PDE4D: variants seen among roughly 807,000 people sequenced by gnomAD.
PDE4D encodes the protein 3',5'-cyclic-AMP phosphodiesterase 4D.
A neutral mutation model predicts 87.4 loss-of-function variants in PDE4D; 24 were observed. That is an observed-to-expected ratio of 0.27 (90% CI 0.20 to 0.39). PDE4D has a LOEUF of 0.39. PDE4D is among the 10% of genes least tolerant of loss of function. PDE4D has a pLI of 1.00. For synonymous variants in PDE4D, 384 were observed against 383.2 expected, an observed-to-expected ratio of 1.00 and a Z score of -0.02; for missense variants, 714 against 1,041.0, an observed-to-expected ratio of 0.69 and a Z score of 4.32.
intron 9 of PDE4D, 38 bp downstream of exon 9, chr5:58,990,766 C>T (rs769360150): frequency 9.0e-7 from 1 of 1,106,174 alleles, no homozygotes; most frequent in Non-Finnish European, 1.3e-6. Context: ...CATTAAGTTC[C>T]TAAATAAAAT....
intron 1 of PDE4D, among the ~76,000 whole-genome samples, chr5:59,650,867 G>A (rs868001136): frequency 6.6e-6 from 1 of 152,250 alleles, no homozygotes; most frequent in Middle Eastern, 3.4e-3. Context: ...AAGAAAAAAT[G>A]TGACTAACCA....
intron 1 of PDE4D, among the ~76,000 whole-genome samples, chr5:59,827,586 G>A (rs1770475665): frequency 6.6e-6 from 1 of 152,110 alleles, no homozygotes; most frequent in South Asian, 2.1e-4. Context: ...CCAGAAGGAG[G>A]ATGCTAATTT....
rs1743501100 is a variant in PDE4D at position 58,975,537 on chromosome 5, C to G, written c.2013+120G>C. On this transcript the variant is annotated intron_variant, in intron 14 of 14. Coordinates refer to ENST00000340635, the MANE Select transcript of PDE4D (RefSeq NM_001104631.2). The surrounding 1 kb of genome is among the most constrained non-coding windows in gnomAD (Gnocchi z 4.2). ...TCATAAATACTAAGGTGAAATTGAG[C>G]TTGTCAAAAACAAAGTAATTTTAAA... is the stretch of plus-strand genomic sequence containing the variant. 4 of 734,698 alleles carry G rather than the reference C, an allele frequency of 5.4e-6. No individual in the cohort carries two copies. Among genetic ancestry groups the G allele is most frequent in the Middle Eastern group, 3.7e-4 (1 of 2,736 alleles). The allele number at this position is 734,698 out of a possible 1,614,324, so 45.5% of individuals were successfully genotyped here.
intron 2 of PDE4D, among the ~76,000 whole-genome samples, chr5:59,990,392 T>C (rs1762884262): frequency 6.6e-6 from 1 of 152,174 alleles, no homozygotes; most frequent in Non-Finnish European, 1.5e-5. Context: ...TTCACATTGA[T>C]TCCCAAATAG....
chr5:59,801,309 T>C (rs1767100658), intron 1 of PDE4D, among the ~76,000 whole-genome samples: 1 of 152,142 alleles, frequency 6.6e-6, no homozygotes, highest in South Asian at 2.1e-4. Flanking sequence ...CAAATTTCAC[T>C]TCATATTTCA....
intron 1 of PDE4D, among the ~76,000 whole-genome samples, chr5:60,209,181 T>C (rs1356816719): frequency 8.1e-6 from 1 of 123,276 alleles, no homozygotes; most frequent in Non-Finnish European, 1.8e-5. Flanking sequence ...TATTTTTTCT[T>C]TTTTTCTTTT....
At chr5:58,981,766 C>T (rs1202124657) in intron 11 of PDE4D, among the ~76,000 whole-genome samples, 2 of 152,066 alleles carry the variant, frequency 1.3e-5, no homozygotes, top group Non-Finnish European at 2.9e-5. Flanking sequence ...AACCTTCATT[C>T]GTGAAGGGTA....
intron 1 of PDE4D, among the ~76,000 whole-genome samples, chr5:59,726,898 C>A (rs962961555): frequency 1.3e-5 from 2 of 151,928 alleles, no homozygotes; most frequent in African/African-American, 4.8e-5. Context: ...TCTAGTTTAA[C>A]TCATTGATCA....
intron 1 of PDE4D, among the ~76,000 whole-genome samples, chr5:59,826,742 A>G (rs1770375311): frequency 6.6e-6 from 1 of 152,170 alleles, no homozygotes; most frequent in South Asian, 2.1e-4. Flanking sequence ...GGCTGGGAAA[A>G]TAGAAAATAG....
chr5:59,528,887 C>T lies in PDE4D; in HGVS notation c.456-312919G>A, dbSNP rs113807568. The T allele has an allele frequency of 1.2e-3, 369 of 318,488 alleles. 3 individuals are homozygous for T. Among genetic ancestry groups the T allele is most frequent in the African/African-American group, 7.6e-3 (348 of 45,874 alleles). The allele number at this position is 318,488 out of a possible 1,614,324, so 19.7% of individuals were successfully genotyped here. A position where few individuals can be genotyped will look rare whatever the true frequency, so the allele number is the denominator to read the frequency against. On this transcript the variant is annotated intron_variant, in intron 1 of 14. Transcript: ENST00000340635. ...ATGTCATTCCCAAAGTTTACTCCAT[C>T]GCACCTGGCCACTCTGCCCTTGACC...
intron 2 of PDE4D, among the ~76,000 whole-genome samples, chr5:59,999,508 A>G (rs1239083433): frequency 6.7e-6 from 1 of 149,020 alleles, no homozygotes; most frequent in Non-Finnish European, 1.5e-5. Context: ...ACAAATTCAA[A>G]GAAGATGTAT....
chr5:59,241,132 G>A (rs755169478), intron 1 of PDE4D, among the ~76,000 whole-genome samples: 3 of 152,154 alleles, frequency 2.0e-5, no homozygotes, highest in Non-Finnish European at 4.4e-5. Flanking sequence ...AGCAGATTAA[G>A]AATTTCTGCT....
chr5:59,967,090 T>A (rs1030724884), intron 3 of PDE4D, among the ~76,000 whole-genome samples: 3 of 152,162 alleles, frequency 2.0e-5, no homozygotes, highest in African/African-American at 7.2e-5. Context: ...GGAATCATAG[T>A]CACCTTCATT....
At chr5:59,121,500 CA>C (rs1450506665) in intron 5 of PDE4D, among the ~76,000 whole-genome samples, 4 of 151,880 alleles carry the variant, frequency 2.6e-5, no homozygotes, top group African/African-American at 7.3e-5. Flanking sequence ...AATGAGATAT[CA>C]TCTTACCCCA....
intron 5 of PDE4D, chr5:59,039,719 CG>C (rs1580460735): frequency 5.9e-6 from 1 of 168,768 alleles, no homozygotes; most frequent in Non-Finnish European, 1.2e-5. Context: ...AGCTCTGCCC[CG>C]GGGGCCCCGC....
intron 1 of PDE4D, chr5:60,431,255 AG>A: frequency 5.1e-6 from 1 of 195,152 alleles, no homozygotes. Context: ...TGCCAGGCGG[AG>A]GGGCTCCTCA....
chr5:59,985,476 G>A (rs1042881131), intron 3 of PDE4D, among the ~76,000 whole-genome samples: 56 of 151,760 alleles, frequency 3.7e-4, no homozygotes, highest in Admixed American at 3.5e-3. Context: ...CCAAAGCTTC[G>A]ACATTCCAGA....
intron 1 of PDE4D, among the ~76,000 whole-genome samples, chr5:60,350,151 T>A (rs1759058147): frequency 6.6e-6 from 1 of 152,136 alleles, no homozygotes; most frequent in Admixed American, 6.6e-5. Flanking sequence ...TCACTCCACC[T>A]GTGTTGGAAC....
At chr5:59,771,798 T>C (rs1763615486) in intron 1 of PDE4D, among the ~76,000 whole-genome samples, 1 of 152,220 alleles carries the variant, frequency 6.6e-6, no homozygotes, top group Non-Finnish European at 1.5e-5. Context: ...TCATTATGGT[T>C]AAACATGGAC....
Sources: allele counts gnomAD v4.1 joint callset (sites outside exome capture counted in the v4.1 genomes callset), GRCh38; gene constraint gnomAD v4.1.1; non-coding constraint Gnocchi (gnomAD v3.1); transcripts MANE v1.5; gene names NCBI Gene and HGNC (gene_info 2026-07-23, HGNC 2026-07-21).